Variants in SEC14L1 observed in about 807,000 individuals in gnomAD.
SEC14L1 encodes SEC14 like lipid binding 1, also known as SEC14-like protein 1.
A neutral mutation model predicts 85.3 loss-of-function variants in SEC14L1; 48 were observed. The ratio of observed to expected loss-of-function variants is 0.56; its 90% CI spans 0.45 to 0.72. The LOEUF (loss-of-function observed/expected upper bound fraction) is 0.72. Ranked by LOEUF, SEC14L1 falls within the 30% of genes least tolerant of loss-of-function variation. The pLI is 0.00. For missense variants in SEC14L1, 682 were observed against 921.4 expected (o/e 0.74, Z 3.36); for synonymous variants, 391 against 355.5 (o/e 1.10, Z -1.12).
At chr17:77,166,427 T>TCTGAAATAGAATGGTAA (rs1238769471) in intron 3 of SEC14L1, among the ~76,000 whole-genome samples, 1 of 152,216 alleles carries the variant, frequency 6.6e-6, no homozygotes, top group Non-Finnish European at 1.5e-5. Flanking sequence ...AAGCCTGTGC[T>TCTGAAATAGAATGGTAA]CTGAAATAGA....
intron 3 of SEC14L1, among the ~76,000 whole-genome samples, chr17:77,178,689 C>T (rs1227145109): frequency 6.6e-6 from 1 of 152,156 alleles, no homozygotes; most frequent in Non-Finnish European, 1.5e-5. Context: ...GAGCGTGCAG[C>T]CTCAATCCCT....
intron 3 of SEC14L1, among the ~76,000 whole-genome samples, chr17:77,153,674 G>A (rs1360047664): frequency 1.3e-5 from 2 of 152,262 alleles, no homozygotes; most frequent in Admixed American, 6.5e-5. Context: ...GCCTGGGGCT[G>A]AGGAGGTGGG....
intron 3 of SEC14L1, among the ~76,000 whole-genome samples, chr17:77,172,272 G>A (rs1420108714): frequency 6.6e-6 from 1 of 152,106 alleles, no homozygotes; most frequent in African/African-American, 2.4e-5. Flanking sequence ...GCCCTTGACC[G>A]CCGTATTCTT....
intron 8 of SEC14L1, 113 bp downstream of exon 8, chr17:77,196,424 T>C (rs2143063450): frequency 1.5e-6 from 1 of 651,504 alleles, no homozygotes; most frequent in Middle Eastern, 2.5e-4. Context: ...GCTGGGAATG[T>C]TTCTTCCAGT....
At chr17:77,105,804 G>A (rs1418070602) in intron 3 of SEC14L1, among the ~76,000 whole-genome samples, 1 of 152,134 alleles carries the variant, frequency 6.6e-6, no homozygotes, top group African/African-American at 2.4e-5. Context: ...AGGAGCACAG[G>A]TGGGATTTAT....
In SEC14L1 at chr17:77,206,588, G is replaced by A; in HGVS notation, c.1342-140G>A. ...CAAAATGTGAGTGTCCTAATGCCAT[G>A]CAAATAGACTTTACAGAAGAAGTAT... On this transcript the variant is annotated intron_variant, in intron 12 of 16. Coordinates refer to ENST00000436233, the MANE Select transcript of SEC14L1 (RefSeq NM_001143998.2). The surrounding 1 kb of genome is among the most constrained non-coding windows in gnomAD (Gnocchi z 4.3). The A allele has an allele frequency of 4.1e-6, 5 of 1,220,668 alleles. No homozygotes were observed. The East Asian group carries it at 7.1e-5, about 17-fold the overall frequency. The allele number at this position is 1,220,668 out of a possible 1,614,324, so 75.6% of individuals were successfully genotyped here.
chr17:77,189,918 G>A (rs576148511), intron 3 of SEC14L1, among the ~76,000 whole-genome samples: 8 of 152,094 alleles, frequency 5.3e-5, no homozygotes, highest in Non-Finnish European at 1.0e-4. Flanking sequence ...GTGAGCCACC[G>A]CGCCCGGCCT....
chr17:77,090,556 A>G (rs2143262771), intron 2 of SEC14L1, among the ~76,000 whole-genome samples: 1 of 150,902 alleles, frequency 6.6e-6, no homozygotes, highest in Non-Finnish European at 1.5e-5. Context: ...TTTTCTGAGG[A>G]TGAAACCCTC....
intron 3 of SEC14L1, among the ~76,000 whole-genome samples, chr17:77,098,849 T>TA (rs757232228): frequency 1.2e-4 from 18 of 152,220 alleles, no homozygotes; most frequent in Non-Finnish European, 2.2e-4. Context: ...GCCCTGGACT[T>TA]ATTGCTTTTT....
chr17:77,115,827 A>C (rs1567875198), intron 3 of SEC14L1, among the ~76,000 whole-genome samples: 1 of 152,260 alleles, frequency 6.6e-6, no homozygotes, highest in East Asian at 1.9e-4. Flanking sequence ...TGAAGCAAGA[A>C]GACCTATATT....
At chr17:77,092,246 C>G (rs1350811797) in intron 2 of SEC14L1, among the ~76,000 whole-genome samples, 1 of 152,172 alleles carries the variant, frequency 6.6e-6, no homozygotes, top group African/African-American at 2.4e-5. Context: ...AATTAAGTAC[C>G]TACAGGGGTA....
At chr17:77,191,389 C>T in intron 5 of SEC14L1, 77 bp downstream of exon 5, 1 of 1,529,730 alleles carries the variant, frequency 6.5e-7, no homozygotes, top group East Asian at 2.3e-5. Context: ...CCATTTTAAA[C>T]AGTGCATCTT....
intron 3 of SEC14L1, among the ~76,000 whole-genome samples, chr17:77,130,478 C>G (rs1972578611): frequency 6.6e-6 from 1 of 151,802 alleles, no homozygotes. Flanking sequence ...CCACACTCAG[C>G]TAATTTTTTT....
At chr17:77,168,002 C>G (rs547758294) in intron 3 of SEC14L1, among the ~76,000 whole-genome samples, 1 of 152,168 alleles carries the variant, frequency 6.6e-6, no homozygotes, top group Admixed American at 6.5e-5. Context: ...TGTGTCCTTC[C>G]CCTGTTGGCT....
At chr17:77,110,777 G>A (rs189560407) in intron 3 of SEC14L1, among the ~76,000 whole-genome samples, 1,788 of 151,498 alleles carry the variant, frequency 0.012, 19 homozygotes, top group Middle Eastern at 0.031. Flanking sequence ...CCAGCTACTC[G>A]GGAGGCTGAG....
At chr17:77,194,017 G>A (rs1032551677) in intron 6 of SEC14L1, among the ~76,000 whole-genome samples, 4 of 152,170 alleles carry the variant, frequency 2.6e-5, no homozygotes, top group African/African-American at 9.7e-5. Flanking sequence ...TTATGGAGTG[G>A]TTTTTGAAGG....
At chr17:77,164,176 G>C (rs769282010) in intron 3 of SEC14L1, among the ~76,000 whole-genome samples, 6 of 152,202 alleles carry the variant, frequency 3.9e-5, no homozygotes, top group Non-Finnish European at 5.9e-5. Flanking sequence ...TGCTGACAGC[G>C]GTGTGGGCTG....
At chr17:77,129,779 C>A (rs570383677) in intron 3 of SEC14L1, among the ~76,000 whole-genome samples, 1 of 152,230 alleles carries the variant, frequency 6.6e-6, no homozygotes, top group South Asian at 2.1e-4. Flanking sequence ...CCCAGTCGCG[C>A]CTTGTGATGT....
intron 3 of SEC14L1, among the ~76,000 whole-genome samples, chr17:77,100,729 G>C (rs1379043172): frequency 1.3e-5 from 2 of 151,904 alleles, no homozygotes; most frequent in African/African-American, 4.8e-5. Flanking sequence ...GAGCCACCGC[G>C]CCCAGCCTGG....
Sources: gnomAD v4.1 joint callset for allele counts (sites outside exome capture counted in the v4.1 genomes callset) on GRCh38, gnomAD v4.1.1 for gene constraint, Gnocchi (gnomAD v3.1) non-coding constraint, MANE v1.5 for transcripts, NCBI Gene and HGNC (gene_info 2026-07-23, HGNC 2026-07-21) for gene names.